The following COP1 variants were observed in gnomAD, a reference collection of about 807,000 sequenced individuals.
COP1 encodes the protein COP1 E3 ubiquitin ligase, also known as E3 ubiquitin-protein ligase COP1.
COP1 carries 24 observed loss-of-function variants against 101.3 expected under a neutral mutation model. The observed-to-expected ratio is 0.24, with a 90% CI of 0.17 to 0.33. COP1 has a LOEUF of 0.33. Among genes scored for constraint, COP1 ranks in the 10% least tolerant of loss-of-function variants. The pLI, the probability that COP1 is intolerant of heterozygous loss-of-function variation, is 1.00. For synonymous variants in COP1, 347 were observed against 341.9 expected, an observed-to-expected ratio of 1.01 and a Z score of -0.17; for missense variants, 663 against 906.2, an observed-to-expected ratio of 0.73 and a Z score of 3.45.
chr1:175,957,216 T>C (rs563332802), intron 18 of COP1, among the ~76,000 whole-genome samples: 5 of 152,214 alleles, frequency 3.3e-5, no homozygotes, highest in African/African-American at 7.2e-5. Flanking sequence ...TACAATAATG[T>C]CTGGGTCTTC....
chr1:176,063,974 TCA>T (rs1391041656), intron 11 of COP1, among the ~76,000 whole-genome samples: 1 of 152,220 alleles, frequency 6.6e-6, no homozygotes, highest in Non-Finnish European at 1.5e-5. Context: ...CCACTTTCTT[TCA>T]CAGACACACT....
At chr1:175,973,687 T>C (rs1437651112) in intron 18 of COP1, among the ~76,000 whole-genome samples, 2 of 152,226 alleles carry the variant, frequency 1.3e-5, no homozygotes, top group East Asian at 1.9e-4. Flanking sequence ...AGAGATGTGA[T>C]ATACATAATT....
At chr1:176,133,994 A>G (rs1408949253) in intron 8 of COP1, 1 of 404,034 alleles carries the variant, frequency 2.5e-6, no homozygotes, top group African/African-American at 2.1e-5. Flanking sequence ...CACAGCTAAA[A>G]TAACACCAGA....
intron 3 of COP1, among the ~76,000 whole-genome samples, chr1:176,168,100 C>T (rs1023815309): frequency 6.6e-6 from 1 of 151,902 alleles, no homozygotes; most frequent in Admixed American, 6.6e-5. Flanking sequence ...CCCTGTCGCC[C>T]AGGCTGGAGT....
At chr1:176,067,896 A>G (rs1676291072) in intron 11 of COP1, among the ~76,000 whole-genome samples, 1 of 152,166 alleles carries the variant, frequency 6.6e-6, no homozygotes, top group South Asian at 2.1e-4. Flanking sequence ...CGCTCCCACG[A>G]TCTGCCTGTC....
At chr1:176,187,333 CATAT>C (rs1435816029) in intron 1 of COP1, among the ~76,000 whole-genome samples, 23 of 152,004 alleles carry the variant, frequency 1.5e-4, no homozygotes, top group Admixed American at 1.5e-3. Flanking sequence ...CACATATACA[CATAT>C]ATACACACAT....
chr1:175,955,883 T>C (rs939541301), intron 18 of COP1, among the ~76,000 whole-genome samples: 2 of 151,390 alleles, frequency 1.3e-5, no homozygotes, highest in Non-Finnish European at 2.9e-5. Flanking sequence ...ACCATGTTCA[T>C]AGACCAGAGA....
intron 9 of COP1, among the ~76,000 whole-genome samples, chr1:176,114,220 T>C (rs1017652521): frequency 4.6e-5 from 7 of 152,162 alleles, no homozygotes; most frequent in Non-Finnish European, 8.8e-5. Flanking sequence ...ATGTATTCCA[T>C]TATGTCTTAC....
At chr1:176,176,419 G>A (rs1054796370) in intron 2 of COP1, among the ~76,000 whole-genome samples, 2 of 151,974 alleles carry the variant, frequency 1.3e-5, no homozygotes, top group African/African-American at 2.4e-5. Context: ...AAAACTCAAC[G>A]AAAGACAAAA....
intron 3 of COP1, among the ~76,000 whole-genome samples, chr1:176,170,730 T>A (rs1695917775): frequency 1.3e-5 from 2 of 152,162 alleles, no homozygotes; most frequent in Non-Finnish European, 2.9e-5. Flanking sequence ...ACCAGCTGCA[T>A]CAACCCCTAT....
chr1:176,036,162 T>C (rs1669504300), intron 14 of COP1, among the ~76,000 whole-genome samples: 1 of 151,996 alleles, frequency 6.6e-6, no homozygotes, highest in Non-Finnish European at 1.5e-5. Context: ...TTTGCTAAAG[T>C]AGTGCTTAAT....
intron 11 of COP1, among the ~76,000 whole-genome samples, chr1:176,074,207 G>A (rs1677543789): frequency 6.6e-6 from 1 of 152,164 alleles, no homozygotes; most frequent in African/African-American, 2.4e-5. Flanking sequence ...GATTACAGGT[G>A]TGAGCCACCT....
At chr1:176,093,978 G>C (rs572345021) in intron 9 of COP1, among the ~76,000 whole-genome samples, 9 of 151,422 alleles carry the variant, frequency 5.9e-5, no homozygotes, top group African/African-American at 2.2e-4. Context: ...AGCTGAGATT[G>C]TGCCACTGCA....
intron 12 of COP1, among the ~76,000 whole-genome samples, chr1:176,045,400 T>G (rs2149197551): frequency 6.6e-6 from 1 of 152,186 alleles, no homozygotes; most frequent in Admixed American, 6.5e-5. Context: ...AACAAATAAA[T>G]TATACAAAGA....
At chr1:175,997,968 C>T (rs1660602757) in intron 15 of COP1, among the ~76,000 whole-genome samples, 1 of 147,646 alleles carries the variant, frequency 6.8e-6, no homozygotes, top group Admixed American at 6.9e-5. Context: ...TATTGCGGCA[C>T]TACTTACAAT....
rs1291829247 is a variant in COP1 at position 175,999,246 on chromosome 1, C to A, written c.1730-9767G>T. On this transcript the variant is annotated intron_variant, in intron 15 of 19. Transcript: ENST00000367669. ...TAGCCATTAACCACCTCTACTTCCC[C>A]CAACAGCCCAAGTACCCTTCTCAGA... 2.6e-5 allele frequency among the ~76,000 whole-genome samples: 4 copies of A among 152,032 alleles called. 1 individual carries two copies. The highest frequency in any genetic ancestry group is 9.7e-5 in the African/African-American group (4 of 41,412).
intron 18 of COP1, among the ~76,000 whole-genome samples, chr1:175,986,430 T>C (rs984917118): frequency 6.6e-6 from 1 of 152,220 alleles, no homozygotes; most frequent in African/African-American, 2.4e-5. Context: ...GTCTCATCAA[T>C]ATACTAAATA....
chr1:176,008,118 C>A (rs556831750), intron 15 of COP1, among the ~76,000 whole-genome samples: 15 of 151,980 alleles, frequency 9.9e-5, no homozygotes, highest in South Asian at 2.1e-4. Context: ...CAGGTGCGTC[C>A]GTCACCCCTT....
intron 9 of COP1, among the ~76,000 whole-genome samples, chr1:176,106,750 A>G (rs1312325982): frequency 6.6e-6 from 1 of 152,172 alleles, no homozygotes; most frequent in Non-Finnish European, 1.5e-5. Flanking sequence ...ATGCTCGGGG[A>G]GACTGATTTG....
Sources: allele counts gnomAD v4.1 joint callset (sites outside exome capture counted in the v4.1 genomes callset), GRCh38; gene constraint gnomAD v4.1.1; transcripts MANE v1.5; gene names NCBI Gene and HGNC (gene_info 2026-07-23, HGNC 2026-07-21).